SDK1: variants seen among roughly 807,000 people sequenced by gnomAD.
The protein encoded by SDK1 is protein sidekick-1.
In SDK1, 157 loss-of-function variants were observed where a neutral mutation model predicts 245.5. The observed-to-expected ratio is 0.64, with a 90% CI of 0.56 to 0.73. The LOEUF (loss-of-function observed/expected upper bound fraction) is 0.73, where lower values mean the gene tolerates loss of function less well. Ranked by LOEUF, SDK1 falls within the 30% of genes least tolerant of loss-of-function variation. The pLI is 0.00. For synonymous variants in SDK1, 1,647 were observed against 1,278.5 expected, an observed-to-expected ratio of 1.29 and a Z score of -6.15; for missense variants, 3,583 against 3,002.3, an observed-to-expected ratio of 1.19 and a Z score of -4.52.
In SDK1 at chr7:4,020,410, G is replaced by T. The variant is rs184771686; in HGVS notation, c.2602+3058G>T. Among the ~76,000 whole-genome samples, 542 of 152,250 alleles carry T rather than the reference G, an allele frequency of 3.6e-3. 6 individuals are homozygous for T. The highest frequency in any genetic ancestry group is 0.011 in the Admixed American group (164 of 15,298). On this transcript the variant is annotated intron_variant, in intron 17 of 44. Transcript: ENST00000404826. The stretch of plus-strand genomic sequence containing the variant: ...ACGCTGCCGCTGAACAGAATGAAGC[G>T]AGCGTATGAATTCTGTCCTGAATCC...
chr7:3,352,831 G>A (rs1780696123), intron 1 of SDK1, among the ~76,000 whole-genome samples: 1 of 151,836 alleles, frequency 6.6e-6, no homozygotes, highest in Non-Finnish European at 1.5e-5. Context: ...TATTCACAGT[G>A]TCTGGGGAGG....
chr7:4,042,806 CTT>C lies in SDK1; in HGVS notation c.2603-6539_2603-6538del, dbSNP rs534828629. Among the ~76,000 whole-genome samples, 463 of 152,344 alleles carry C rather than the reference CTT, an allele frequency of 3.0e-3. 1 individual carries two copies. The highest frequency in any genetic ancestry group is 0.011 in the African/African-American group (444 of 41,576). ...TAAGACCTTTCCAGCCATAACCACT[CTT>C]TTATTTTCAACACTGTCAAGAAGGA... On this transcript the variant is annotated intron_variant, in intron 17 of 44. Coordinates refer to ENST00000404826, the MANE Select transcript of SDK1 (RefSeq NM_152744.4).
chr7:4,268,284 G>A lies in SDK1; in HGVS notation c.*2900G>A, dbSNP rs1788592861. On this transcript the variant is annotated 3_prime_UTR_variant, in exon 45 of 45. Coordinates refer to ENST00000404826, the MANE Select transcript of SDK1 (RefSeq NM_152744.4). ...TGAGCCACAGGGATGGGTGTGCAGA[G>A]CTCCCTCCTCCTGGGGTGCCAGGGC... The A allele has an allele frequency of 2.9e-6, 3 of 1,026,430 alleles. No homozygotes were observed. The highest frequency in any genetic ancestry group is 3.5e-6 in the Non-Finnish European group (3 of 854,388). The allele number at this position is 1,026,430 out of a possible 1,614,324, so 63.6% of individuals were successfully genotyped here.
Position 3,951,832 on chromosome 7 carries a change from C to G in SDK1, c.1062C>G (p.Ser354=), listed in dbSNP as rs139460236. The change falls in exon 7 of 45, where the codon TCC becomes TCG. Residue 354 remains serine (S), a synonymous_variant. Transcript: ENST00000404826. The stretch of plus-strand genomic sequence containing the variant: ...GCCTCACCATCAGCAACCCGACGTC[C>G]GCGGACACCGGGCCATACGTCTGCG... ...GRRLTISNPT[S]ADTGPYVCEA... 3 of 1,613,842 alleles carry G rather than the reference C, an allele frequency of 1.9e-6. No homozygotes were observed. Among genetic ancestry groups the G allele is most frequent in the Non-Finnish European group, 2.5e-6 (3 of 1,180,026 alleles).
rs75479751 is a variant in SDK1, at chr7:3,745,867, A to G, written c.714-75583A>G. Among the ~76,000 whole-genome samples the G allele has an allele frequency of 3.6e-3, 550 of 152,328 alleles. 1 individual carries two copies. The highest frequency in any genetic ancestry group is 6.4e-3 in the Non-Finnish European group (432 of 68,022). ...AAATCCAAAATAATGGATTGAAACT[A>G]TTAATTTGAGATTTTCTGTATAATT... On this transcript the variant is annotated intron_variant, in intron 4 of 44. Coordinates refer to ENST00000404826, the MANE Select transcript of SDK1 (RefSeq NM_152744.4).
chr7:3,645,416 T>A (rs1393653504), intron 4 of SDK1, among the ~76,000 whole-genome samples: 2 of 152,202 alleles, frequency 1.3e-5, no homozygotes, highest in African/African-American at 4.8e-5. Context: ...CCAAGTCTAT[T>A]AAGTACCTGC....
At chr7:3,562,171 G>C (rs1488884539) in intron 1 of SDK1, among the ~76,000 whole-genome samples, 20 of 152,198 alleles carry the variant, frequency 1.3e-4, no homozygotes, top group Admixed American at 1.3e-3. Flanking sequence ...TAGCACCCTA[G>C]TGAAAAATGC....
At chr7:4,158,200 A>C (rs1338033874) in intron 30 of SDK1, among the ~76,000 whole-genome samples, 1 of 152,146 alleles carries the variant, frequency 6.6e-6, no homozygotes, top group East Asian at 1.9e-4. Flanking sequence ...TCAACCGTCC[A>C]GGTGTTCAAA....
chr7:3,935,042 C>G (rs544528550), intron 5 of SDK1, among the ~76,000 whole-genome samples: 1 of 152,358 alleles, frequency 6.6e-6, no homozygotes, highest in South Asian at 2.1e-4. Flanking sequence ...TGAGAGCATT[C>G]TTTTCTGTCT....
intron 35 of SDK1, among the ~76,000 whole-genome samples, chr7:4,194,309 TATAC>T (rs1327738712): frequency 3.1e-5 from 3 of 98,224 alleles, no homozygotes; most frequent in Non-Finnish European, 6.7e-5. Flanking sequence ...TGTATACATG[TATAC>T]ATATATGTAT....
At chr7:3,881,992 G>A (rs1157983363) in intron 5 of SDK1, among the ~76,000 whole-genome samples, 1 of 152,100 alleles carries the variant, frequency 6.6e-6, no homozygotes, top group Non-Finnish European at 1.5e-5. Flanking sequence ...AGAAAAAGAG[G>A]TTTAATGGAC....
At chr7:4,016,899 C>T (rs796845188) in intron 16 of SDK1, among the ~76,000 whole-genome samples, 6 of 152,276 alleles carry the variant, frequency 3.9e-5, no homozygotes, top group South Asian at 4.1e-4. Context: ...AGTCCCTAGA[C>T]GAGTTACATG....
rs570432223 is a variant in SDK1, at chr7:3,754,722, A to G, written c.714-66728A>G. Among the ~76,000 whole-genome samples, 65 of 152,318 alleles carry G rather than the reference A, an allele frequency of 4.3e-4. 1 individual carries two copies. Among genetic ancestry groups the G allele is most frequent in the African/African-American group, 1.3e-3 (53 of 41,574 alleles). ...GAGTACTCCCTTGTCAGTGGTAACAATAGGCTGTGAATAATTCAGACATGA... is the reference window on the plus strand; with the variant it reads ...GAGTACTCCCTTGTCAGTGGTAACAGTAGGCTGTGAATAATTCAGACATGA... On this transcript the variant is annotated intron_variant, in intron 4 of 44. Coordinates refer to ENST00000404826, the MANE Select transcript of SDK1 (RefSeq NM_152744.4).
intron 5 of SDK1, among the ~76,000 whole-genome samples, chr7:3,853,784 A>C (rs1780474668): frequency 6.6e-6 from 1 of 152,094 alleles, no homozygotes; most frequent in African/African-American, 2.4e-5. Context: ...AGGTCAAGAC[A>C]TTGAGACCAT....
intron 4 of SDK1, among the ~76,000 whole-genome samples, chr7:3,782,315 T>C (rs1210971677): frequency 2.0e-5 from 3 of 152,174 alleles, no homozygotes; most frequent in Non-Finnish European, 2.9e-5. Flanking sequence ...TGTGAACTCA[T>C]TACCATGGGG....
intron 1 of SDK1, among the ~76,000 whole-genome samples, chr7:3,304,713 T>C (rs1779371554): frequency 6.6e-6 from 1 of 152,194 alleles, no homozygotes; most frequent in Non-Finnish European, 1.5e-5. Flanking sequence ...ATAATACACA[T>C]TGGAATTCGA....
intron 4 of SDK1, among the ~76,000 whole-genome samples, chr7:3,745,959 C>T (rs1304428311): frequency 6.6e-6 from 1 of 152,192 alleles, no homozygotes; most frequent in African/African-American, 2.4e-5. Flanking sequence ...CACAGACTAG[C>T]TGTCAGTCCT....
chr7:4,229,031 C>G (rs1294576704), intron 40 of SDK1, among the ~76,000 whole-genome samples: 2 of 152,186 alleles, frequency 1.3e-5, no homozygotes, highest in South Asian at 4.1e-4. Flanking sequence ...AATCCAGGCA[C>G]TGGGGACTGT....
At chr7:4,039,561 A>G (rs753430785) in intron 17 of SDK1, among the ~76,000 whole-genome samples, 37 of 152,236 alleles carry the variant, frequency 2.4e-4, no homozygotes, top group Non-Finnish European at 1.5e-4. Flanking sequence ...AATGAGCAAT[A>G]TTGACATTCC....
Sources: allele counts gnomAD v4.1 joint callset (sites outside exome capture counted in the v4.1 genomes callset), GRCh38; gene constraint gnomAD v4.1.1; transcripts MANE v1.5; gene names NCBI Gene and HGNC (gene_info 2026-07-23, HGNC 2026-07-21).